The following ABCA13 variants were observed in gnomAD, a reference collection of about 807,000 sequenced individuals.
ABCA13 encodes the protein ATP binding cassette subfamily A member 13.
In ABCA13, 476 loss-of-function variants were observed where a neutral mutation model predicts 478.7. The ratio of observed to expected loss-of-function variants is 0.99; its 90% CI spans 0.92 to 1.07. The LOEUF is 1.07. Ranked by LOEUF, ABCA13 falls within the 50% of genes least tolerant of loss-of-function variation. The pLI is 0.00. For synonymous variants in ABCA13, 2,252 were observed against 2,158.9 expected (o/e 1.04, Z -1.20); for missense variants, 6,060 against 5,910.6 (o/e 1.03, Z -0.83).
chr7:48,406,858 G>A (rs1221520839), intron 39 of ABCA13, among the ~76,000 whole-genome samples: 1 of 151,866 alleles, frequency 6.6e-6, no homozygotes, highest in Non-Finnish European at 1.5e-5. Context: ...GGGTGACAGA[G>A]CAAGGCTCCA....
chr7:48,622,155 C>G (rs1379010148), intron 59 of ABCA13, among the ~76,000 whole-genome samples: 1 of 152,184 alleles, frequency 6.6e-6, no homozygotes, highest in East Asian at 1.9e-4. Flanking sequence ...GCCTGCAGGA[C>G]TCTTGCTAAG....
chr7:48,244,486 A>G, intron 10 of ABCA13, 90 bp from the exon 11 acceptor site: 1 of 1,450,642 alleles, frequency 6.9e-7, no homozygotes, highest in South Asian at 1.3e-5. Flanking sequence ...AAAGCAGTGG[A>G]ATATTTTCCT....
intron 27 of ABCA13, among the ~76,000 whole-genome samples, chr7:48,327,841 A>G (rs2128924033): frequency 6.6e-6 from 1 of 152,342 alleles, no homozygotes; most frequent in East Asian, 1.9e-4. Flanking sequence ...ACCCATCCCC[A>G]GAATCCTGAC....
intron 36 of ABCA13, 31 bp from the exon 37 acceptor site, chr7:48,389,009 T>C (rs750362255): frequency 1.2e-6 from 2 of 1,600,482 alleles, no homozygotes; most frequent in South Asian, 2.3e-5. Flanking sequence ...TTTTGAAGTC[T>C]TTTCACAATG....
At chr7:48,523,552 TA>T (rs1832698360) in intron 53 of ABCA13, among the ~76,000 whole-genome samples, 1 of 151,818 alleles carries the variant, frequency 6.6e-6, no homozygotes, top group East Asian at 1.9e-4. Flanking sequence ...TCGTTATCAT[TA>T]AAATATAATC....
At chr7:48,578,508 A>G (rs1788404844) in intron 55 of ABCA13, among the ~76,000 whole-genome samples, 1 of 152,204 alleles carries the variant, frequency 6.6e-6, no homozygotes, top group South Asian at 2.1e-4. Flanking sequence ...CTATAAATCT[A>G]ACAAATTATG....
chr7:48,320,119 A>C (rs1012647669), intron 27 of ABCA13, among the ~76,000 whole-genome samples: 1 of 152,224 alleles, frequency 6.6e-6, no homozygotes, highest in Non-Finnish European at 1.5e-5. Flanking sequence ...GGGACATTAA[A>C]ATTTCAACAA....
intron 35 of ABCA13, among the ~76,000 whole-genome samples, chr7:48,384,352 C>G (rs755076091): frequency 3.3e-5 from 5 of 152,232 alleles, no homozygotes. Flanking sequence ...TAAAAGGCAA[C>G]CCAAAGCATC....
chr7:48,376,099 G>A (rs1813436023), intron 34 of ABCA13, among the ~76,000 whole-genome samples: 1 of 152,068 alleles, frequency 6.6e-6, no homozygotes, highest in African/African-American at 2.4e-5. Context: ...GGTTCTCAAG[G>A]AGACTTTAAA....
intron 42 of ABCA13, among the ~76,000 whole-genome samples, chr7:48,452,882 G>T (rs1341579282): frequency 6.6e-6 from 1 of 152,156 alleles, no homozygotes; most frequent in Non-Finnish European, 1.5e-5. Context: ...AGTTATTTTA[G>T]CTTGAGTTAG....
At chr7:48,174,649 A>G (rs567775111) in intron 1 of ABCA13, among the ~76,000 whole-genome samples, 1 of 152,150 alleles carries the variant, frequency 6.6e-6, no homozygotes, top group African/African-American at 2.4e-5. Context: ...TTGTAAAAAC[A>G]GTACTAAAAC....
chr7:48,411,412 A>G (rs908512535), intron 40 of ABCA13, among the ~76,000 whole-genome samples: 5 of 151,470 alleles, frequency 3.3e-5, no homozygotes, highest in Non-Finnish European at 7.4e-5. Flanking sequence ...GGTTCAAGCA[A>G]TTCTCCTGCC....
intron 56 of ABCA13, among the ~76,000 whole-genome samples, chr7:48,582,543 T>A (rs1478907372): frequency 6.6e-6 from 1 of 152,192 alleles, no homozygotes; most frequent in African/African-American, 2.4e-5. Flanking sequence ...CCATCTATTT[T>A]CATTGTAACA....
In ABCA13 at chr7:48,374,384, T is replaced by A; in HGVS notation, c.11171T>A (p.Phe3724Tyr). 6.2e-7 allele frequency: 1 copy of A among 1,610,802 alleles called. No individual in the cohort carries two copies. The highest frequency in any genetic ancestry group is 2.2e-5 in the East Asian group (1 of 44,762). The stretch of plus-strand genomic sequence containing the variant: ...ACAACCGCCTTTGGACAAGGGGTAT[T>A]TTTTATTACATTCCTGGAAGGACAA... ...LSTTAFGQGVFFITFLEGQET... is the reference protein window; with the variant it reads ...LSTTAFGQGVYFITFLEGQET... Residue 3724 changes from phenylalanine to tyrosine, a missense_variant, in exon 34 of 62, where the codon TTT becomes TAT. Physicochemically the swap from Phe to Tyr is conservative, Grantham distance 22 (BLOSUM62 3). Coordinates refer to ENST00000435803, the MANE Select transcript of ABCA13 (RefSeq NM_152701.5).
chr7:48,174,291 GT>G (rs201212748), intron 1 of ABCA13, among the ~76,000 whole-genome samples: 93 of 151,528 alleles, frequency 6.1e-4, no homozygotes, highest in Non-Finnish European at 6.9e-4. Context: ...TACATTTACT[GT>G]TTTTTTTAGC....
At chr7:48,371,781 T>A (rs1277907228) in intron 32 of ABCA13, among the ~76,000 whole-genome samples, 1 of 152,160 alleles carries the variant, frequency 6.6e-6, no homozygotes, top group Non-Finnish European at 1.5e-5. Context: ...ACGCTTTATT[T>A]CTTTCTCTTG....
At position 48,644,671 on chromosome 7, in the gene ABCA13, G is replaced by C; in HGVS notation, c.14998G>C (p.Ala5000Pro). ...YHVPKRWGCL[A>P]DLFKVIENNK... ...TGTGCCAAAAAGATGGGGATGCCTA[G>C]CTGACTTGTTCAAAGTTATAGAGAA... The change falls in exon 61 of 62, where the codon GCT becomes CCT. Residue 5000 changes from alanine (A) to proline (P), a missense_variant. Physicochemically the swap from Ala to Pro is conservative, Grantham distance 27 (BLOSUM62 -1). Transcript: ENST00000435803. 6.2e-7 allele frequency: 1 copy of C among 1,610,558 alleles called. No homozygotes were observed.
chr7:48,459,218 T>C (rs552614382), intron 43 of ABCA13, among the ~76,000 whole-genome samples: 18 of 152,280 alleles, frequency 1.2e-4, no homozygotes, highest in African/African-American at 4.1e-4. Context: ...CTGCACCTGC[T>C]TGCAGACATC....
chr7:48,240,062 G>A (rs1441740559), intron 9 of ABCA13, among the ~76,000 whole-genome samples: 1 of 152,180 alleles, frequency 6.6e-6, no homozygotes, highest in Non-Finnish European at 1.5e-5. Context: ...ATCAGGCTTT[G>A]CCGTCTCTGT....
Sources: allele counts gnomAD v4.1 joint callset (sites outside exome capture counted in the v4.1 genomes callset), GRCh38; gene constraint gnomAD v4.1.1; transcripts MANE v1.5; gene names NCBI Gene and HGNC (gene_info 2026-07-23, HGNC 2026-07-21).